The following ARPP21 variants were observed in gnomAD, a reference collection of about 807,000 sequenced individuals.
ARPP21 encodes the protein cAMP regulated phosphoprotein 21, also known as cAMP-regulated phosphoprotein 21.
A neutral mutation model predicts 113.2 loss-of-function variants in ARPP21; 69 were observed. The ratio of observed to expected loss-of-function variants is 0.61; its 90% CI spans 0.50 to 0.74. The LOEUF is 0.74. ARPP21 is among the 30% of genes least tolerant of loss of function. The pLI is 0.00. For missense variants in ARPP21, 1,070 were observed against 1,037.4 expected, an observed-to-expected ratio of 1.03 and a Z score of -0.43; for synonymous variants, 368 against 375.5, an observed-to-expected ratio of 0.98 and a Z score of 0.23.
At chr3:35,753,762 C>T (rs1407278244) in intron 19 of ARPP21, among the ~76,000 whole-genome samples, 2 of 151,808 alleles carry the variant, frequency 1.3e-5, no homozygotes, top group East Asian at 1.9e-4. Flanking sequence ...GATATAATAG[C>T]GAGCTGTTAG....
intron 19 of ARPP21, among the ~76,000 whole-genome samples, chr3:35,784,199 GAATC>G (rs1019645928): frequency 8.5e-5 from 13 of 152,146 alleles, no homozygotes. Flanking sequence ...GTGGAAAAAA[GAATC>G]AAAGCAACAA....
At chr3:35,744,603 C>T (rs750274880) in intron 19 of ARPP21, 14 of 482,466 alleles carry the variant, frequency 2.9e-5, no homozygotes, top group Middle Eastern at 3.3e-4. Flanking sequence ...AGCACGAACC[C>T]GACAGGGCTG....
In ARPP21 at chr3:35,674,510, TCC is replaced by T. The variant is rs2077032613; in HGVS notation, c.-212-5276_-212-5275del. ...ACCAATATGGATTGTAATTAATTGTTCCACATTAAAAAATTATGATGCCTACC... is the reference window on the plus strand; with the variant it reads ...ACCAATATGGATTGTAATTAATTGTTACATTAAAAAATTATGATGCCTACC... On this transcript the variant is annotated intron_variant, in intron 1 of 20. Coordinates refer to ENST00000684406, the MANE Select transcript of ARPP21 (RefSeq NM_001385562.1). Among the ~76,000 whole-genome samples the T allele has an allele frequency of 2.0e-5, 3 of 151,992 alleles. No individual in the cohort carries two copies. In the East Asian group the frequency reaches 5.9e-4, roughly 30 times the overall value.
rs528203841 is a variant in ARPP21 at position 35,761,857 on chromosome 3, TTTATTCA to T, written c.2137+17895_2137+17901del. 1.1e-4 allele frequency among the ~76,000 whole-genome samples: 16 copies of T among 152,186 alleles called. No homozygotes were observed. The East Asian group carries it at 3.1e-3, about 30-fold the overall frequency. On this transcript the variant is annotated intron_variant, in intron 19 of 20. Transcript: ENST00000684406. ...CACCAACTTTGTAGCCAGGCAGTTA[TTTATTCA>T]TTTCAGCAAGTGTTTATTGAGCCCC...
chr3:35,681,507 G>C, intron 2 of ARPP21: 1 of 426,434 alleles, frequency 2.3e-6, no homozygotes. Context: ...ATTCACAAGT[G>C]TGTGTAAAGG....
chr3:35,645,829 C>A (rs758703917), intron 1 of ARPP21, among the ~76,000 whole-genome samples: 6 of 151,850 alleles, frequency 4.0e-5, no homozygotes, highest in Non-Finnish European at 5.9e-5. Flanking sequence ...AGATACAATA[C>A]TCATTCAGAA....
At chr3:35,759,215 G>T (rs534117273) in intron 19 of ARPP21, among the ~76,000 whole-genome samples, 4 of 152,010 alleles carry the variant, frequency 2.6e-5, no homozygotes, top group African/African-American at 9.6e-5. Flanking sequence ...CTAAATCCAG[G>T]GACATCATTC....
intron 13 of ARPP21, among the ~76,000 whole-genome samples, chr3:35,718,421 A>G (rs1448237271): frequency 3.9e-5 from 6 of 152,144 alleles, no homozygotes; most frequent in Non-Finnish European, 8.8e-5. Context: ...AGAAAAGCTA[A>G]AATTTACCAT....
intron 12 of ARPP21, 47 bp downstream of exon 12, chr3:35,715,523 T>C: frequency 2.1e-6 from 3 of 1,460,436 alleles, no homozygotes; most frequent in South Asian, 2.3e-5. Flanking sequence ...ACAACGTCTG[T>C]CATGTGTGTC....
chr3:35,775,629 A>G (rs1471225592), intron 19 of ARPP21, among the ~76,000 whole-genome samples: 1 of 152,220 alleles, frequency 6.6e-6, no homozygotes, highest in African/African-American at 2.4e-5. Context: ...GTGTTTTATT[A>G]AAACAAAGTT....
At chr3:35,714,869 A>G (rs2092116791) in intron 11 of ARPP21, 2 of 151,894 alleles carry the variant, frequency 1.3e-5, no homozygotes, top group African/African-American at 2.4e-5. Context: ...TTTCATCCTC[A>G]CTTGTCTTCT....
At chr3:35,667,888 AGAGGAAGAG>A (rs1172242564) in intron 1 of ARPP21, among the ~76,000 whole-genome samples, 3 of 129,856 alleles carry the variant, frequency 2.3e-5, no homozygotes, top group South Asian at 2.5e-4. Context: ...AAGAAGAAGA[AGAGGAAGAG>A]GAAGAGGAAG....
At chr3:35,684,058 A>C (rs1166269093) in intron 5 of ARPP21, 3 of 1,596,228 alleles carry the variant, frequency 1.9e-6, no homozygotes, top group Non-Finnish European at 1.7e-6. Context: ...AATTCAAAAG[A>C]ATTTAGATTA....
chr3:35,694,212 A>T (rs1372214892), intron 9 of ARPP21, among the ~76,000 whole-genome samples: 1 of 151,590 alleles, frequency 6.6e-6, no homozygotes, highest in African/African-American at 2.4e-5. Flanking sequence ...AGTTCAAAAT[A>T]TTCAGATCAT....
chr3:35,759,333 T>C (rs2095678665), intron 19 of ARPP21, among the ~76,000 whole-genome samples: 1 of 152,116 alleles, frequency 6.6e-6, no homozygotes, highest in Non-Finnish European at 1.5e-5. Flanking sequence ...CTTTTCCCAA[T>C]ACAGTTTGTC....
chr3:35,785,743 G>T (rs1484318480), intron 19 of ARPP21, among the ~76,000 whole-genome samples: 1 of 152,154 alleles, frequency 6.6e-6, no homozygotes, highest in Non-Finnish European at 1.5e-5. Flanking sequence ...AAAAGAGGAA[G>T]TACGAAGAAA....
At chr3:35,666,215 AAT>A (rs2074327331) in intron 1 of ARPP21, among the ~76,000 whole-genome samples, 1 of 152,072 alleles carries the variant, frequency 6.6e-6, no homozygotes, top group South Asian at 2.1e-4. Flanking sequence ...AATTTCTTTA[AAT>A]GGAGTTATAG....
In ARPP21 at chr3:35,687,841, G is replaced by A. The variant is rs375733689; in HGVS notation, c.364G>A (p.Asp122Asn). 769 of 1,595,650 alleles carry A rather than the reference G, an allele frequency of 4.8e-4. 10 individuals carry two copies. The South Asian group carries it at 7.9e-3, about 16-fold the overall frequency. The part of the protein sequence containing the change: ...EREKEKDKNK[D>N]KTSEKPKIRM... ...AGAAAAAGAAAAGGATAAAAACAAA[G>A]ATAAAACCTCTGAAAAACCCAAGAT... The change falls in exon 6 of 21, where the codon GAT (aspartate) becomes AAT (asparagine). Residue 122 changes from aspartate to asparagine, a missense_variant. Asp to Asn is a conservative substitution (Grantham distance 23). Transcript: ENST00000684406.
rs1223706203 is a variant in ARPP21, at chr3:35,690,128, T to C, written c.533T>C (p.Ile178Thr). 3 of 1,465,232 alleles carry C rather than the reference T, an allele frequency of 2.0e-6. No individual in the cohort carries two copies. The highest frequency in any genetic ancestry group is 1.4e-5 in the African/African-American group (1 of 71,964). The allele number at this position is 1,465,232 out of a possible 1,614,324, so 90.8% of individuals were successfully genotyped here. ...LKMEQEIIDFIADNNNHYKKF... is the reference protein window; with the variant it reads ...LKMEQEIIDFTADNNNHYKKF... ...ATGGAGCAGGAAATTATTGATTTCA[T>C]TGCTGACAACAAGTATGTTAAACTT... is the stretch of plus-strand genomic sequence containing the variant. Residue 178 changes from isoleucine to threonine, a missense_variant, in exon 8 of 21, where the codon ATT becomes ACT. Transcript: ENST00000684406.
Sources: gnomAD v4.1 joint callset for allele counts (sites outside exome capture counted in the v4.1 genomes callset) on GRCh38, gnomAD v4.1.1 for gene constraint, MANE v1.5 for transcripts, NCBI Gene and HGNC (gene_info 2026-07-23, HGNC 2026-07-21) for gene names.